The following PEPD variants were observed in gnomAD, a reference collection of about 807,000 sequenced individuals.
The protein encoded by PEPD is peptidase D.
PEPD carries 53 observed loss-of-function variants against 60.7 expected under a neutral mutation model. The observed-to-expected ratio is 0.87, with a 90% confidence interval of 0.70 to 1.10. PEPD has a LOEUF of 1.10. PEPD is among the 50% of genes least tolerant of loss of function. The pLI is 0.00. For missense variants in PEPD, 711 were observed against 711.9 expected, an observed-to-expected ratio of 1.00 and a Z score of 0.01; for synonymous variants, 267 against 284.1, an observed-to-expected ratio of 0.94 and a Z score of 0.60.
chr19:33,470,397 C>T (rs1250248585), intron 7 of PEPD, among the ~76,000 whole-genome samples: 1 of 152,044 alleles, frequency 6.6e-6, no homozygotes, highest in African/African-American at 2.4e-5. Context: ...ACCACTCACC[C>T]CATGTGCTCT....
At chr19:33,488,903 G>A (rs991369927) in intron 6 of PEPD, among the ~76,000 whole-genome samples, 1 of 152,036 alleles carries the variant, frequency 6.6e-6, no homozygotes, top group Non-Finnish European at 1.5e-5. Context: ...GGGAGGGGCT[G>A]GGGATCCAGG....
intron 11 of PEPD, among the ~76,000 whole-genome samples, chr19:33,407,887 C>T (rs886573424): frequency 7.2e-5 from 11 of 152,290 alleles, no homozygotes; most frequent in South Asian, 4.1e-4. Context: ...TGCGTGCATG[C>T]GAGTGGGTGT....
At chr19:33,423,155 G>A (rs1969068362) in intron 9 of PEPD, among the ~76,000 whole-genome samples, 1 of 145,686 alleles carries the variant, frequency 6.9e-6, no homozygotes, top group Non-Finnish European at 1.5e-5. Context: ...CCTCCCATTA[G>A]GCTTGAGCTT....
chr19:33,453,215 G>A (rs1460711572), intron 9 of PEPD, among the ~76,000 whole-genome samples: 1 of 152,172 alleles, frequency 6.6e-6, no homozygotes, highest in Non-Finnish European at 1.5e-5. Context: ...TCCAGAGGCT[G>A]AGGGGGGAAG....
intron 11 of PEPD, among the ~76,000 whole-genome samples, chr19:33,409,995 G>A (rs1968725996): frequency 6.6e-6 from 1 of 152,232 alleles, no homozygotes; most frequent in Non-Finnish European, 1.5e-5. Context: ...GCTCCGCTCT[G>A]ACCCTCCCAG....
Position 33,391,416 on chromosome 19 carries a change from A to G in PEPD, c.1031T>C (p.Met344Thr), listed in dbSNP as rs763993962. 7.6e-6 allele frequency: 12 copies of G among 1,575,312 alleles called. No homozygotes were observed. The highest frequency in any genetic ancestry group is 1.0e-5 in the Non-Finnish European group (12 of 1,160,190). Residue 344 changes from methionine (M) to threonine (T), a missense_variant, in exon 13 of 15, where the codon ATG (methionine) becomes ACG (threonine). Physicochemically the swap from Met to Thr is moderately conservative, Grantham distance 81. Coordinates refer to ENST00000244137, the MANE Select transcript of PEPD (RefSeq NM_000285.4). ...GTCCACGCTGCCGCTCAGGATGCCC[A>G]TGTGGGCCAGCTCCTCCAGGTGGAT... Reference protein sequence around the residue: ...DRIHLEELAHMGILSGSVDAM... With the variant: ...DRIHLEELAHTGILSGSVDAM...
chr19:33,450,974 C>T (rs1568478382), intron 9 of PEPD, among the ~76,000 whole-genome samples: 1 of 152,202 alleles, frequency 6.6e-6, no homozygotes, highest in Non-Finnish European at 1.5e-5. Context: ...CCAAAAGTTA[C>T]TAACCCCTCC....
At chr19:33,405,599 G>A (rs897422852) in intron 11 of PEPD, among the ~76,000 whole-genome samples, 3 of 152,342 alleles carry the variant, frequency 2.0e-5, no homozygotes, top group Middle Eastern at 3.4e-3. Flanking sequence ...CCCAGTGGGC[G>A]GCCCCTGCAG....
intron 9 of PEPD, among the ~76,000 whole-genome samples, chr19:33,437,669 T>C (rs909900596): frequency 1.3e-5 from 2 of 152,224 alleles, no homozygotes; most frequent in Non-Finnish European, 2.9e-5. Context: ...ACAAATATCT[T>C]TCTCAACTGC....
At chr19:33,494,169 C>T (rs1372827917) in intron 4 of PEPD, among the ~76,000 whole-genome samples, 1 of 152,158 alleles carries the variant, frequency 6.6e-6, no homozygotes, top group Non-Finnish European at 1.5e-5. Flanking sequence ...GTCTGGCCTG[C>T]ATCTTGGCTA....
In PEPD at chr19:33,413,652, G is replaced by C. The variant is rs886054336; in HGVS notation, c.672-9C>G. On this transcript the variant is annotated splice_polypyrimidine_tract_variant and intron_variant, in intron 9 of 14. Coordinates refer to ENST00000244137, the MANE Select transcript of PEPD (RefSeq NM_000285.4). The stretch of plus-strand genomic sequence containing the variant: ...AGTAGTGCTCGAAGAGGCTGCAGGG[G>C]GAGAGACGCGTCAGGGTTGGGGCAC... The C allele has an allele frequency of 1.3e-6, 2 of 1,563,578 alleles. No homozygotes were observed. The highest frequency in any genetic ancestry group is 8.7e-7 in the Non-Finnish European group (1 of 1,148,434).
At chr19:33,497,181 G>A (rs1005458163) in intron 4 of PEPD, among the ~76,000 whole-genome samples, 27 of 152,256 alleles carry the variant, frequency 1.8e-4, no homozygotes, top group African/African-American at 4.1e-4. Context: ...CCATGGGCTC[G>A]TGGTCCCACA....
intron 3 of PEPD, among the ~76,000 whole-genome samples, chr19:33,504,501 C>T (rs964746936): frequency 2.0e-5 from 3 of 152,206 alleles, no homozygotes; most frequent in East Asian, 3.9e-4. Context: ...CCGTGGCTCA[C>T]GCCTGTAATC....
At chr19:33,509,526 G>A (rs1263782621) in intron 3 of PEPD, among the ~76,000 whole-genome samples, 1 of 152,232 alleles carries the variant, frequency 6.6e-6, no homozygotes, top group African/African-American at 2.4e-5. Context: ...CTGCACTGAA[G>A]GGAGGGTAGC....
chr19:33,426,252 C>A lies in PEPD; in HGVS notation c.672-12609G>T, dbSNP rs565633659. ...GTGAGGACAGAATCCCCAAGTCACC[C>A]CTTCTAGAAAAAGCAAGTGCTTTGC... On this transcript the variant is annotated intron_variant, in intron 9 of 14. Transcript: ENST00000244137. Among the ~76,000 whole-genome samples, 104 of 152,326 alleles carry A rather than the reference C, an allele frequency of 6.8e-4. No homozygotes were observed. The Middle Eastern group carries it at 0.01, about 15-fold the overall frequency.
chr19:33,465,732 C>T (rs541394090), intron 7 of PEPD, among the ~76,000 whole-genome samples: 15 of 152,220 alleles, frequency 9.9e-5, no homozygotes, highest in African/African-American at 2.2e-4. Flanking sequence ...TTACAGATAG[C>T]GACACTGAGA....
chr19:33,501,458 A>C (rs1223200706), intron 3 of PEPD, among the ~76,000 whole-genome samples: 1 of 152,168 alleles, frequency 6.6e-6, no homozygotes, highest in Non-Finnish European at 1.5e-5. Flanking sequence ...AGGCAGACAG[A>C]TCACAAGGTC....
intron 4 of PEPD, among the ~76,000 whole-genome samples, chr19:33,494,783 G>T (rs757747956): frequency 2.0e-5 from 3 of 152,154 alleles, no homozygotes; most frequent in Non-Finnish European, 4.4e-5. Flanking sequence ...GCCTGAGTCT[G>T]GTTAAAAAAT....
chr19:33,481,362 T>C (rs1216844943), intron 6 of PEPD, among the ~76,000 whole-genome samples: 1 of 151,754 alleles, frequency 6.6e-6, no homozygotes, highest in African/African-American at 2.4e-5. Flanking sequence ...AGGTCAGGAG[T>C]TCGAGACCAG....
Sources: allele counts gnomAD v4.1 joint callset (sites outside exome capture counted in the v4.1 genomes callset), GRCh38; gene constraint gnomAD v4.1.1; transcripts MANE v1.5; gene names NCBI Gene and HGNC (gene_info 2026-07-23, HGNC 2026-07-21).